The following ASTN2 variants were observed in gnomAD, a reference collection of about 807,000 sequenced individuals.
The protein encoded by ASTN2 is astrotactin-2.
In ASTN2, 54 loss-of-function variants were observed where a neutral mutation model predicts 139.8. The ratio of observed to expected loss-of-function variants is 0.39; its 90% CI spans 0.31 to 0.48. The LOEUF (loss-of-function observed/expected upper bound fraction) is 0.48, where lower values mean the gene tolerates loss of function less well. ASTN2 is among the 20% of genes least tolerant of loss of function. ASTN2 has a pLI of 0.95. For synonymous variants in ASTN2, 756 were observed against 719.5 expected (o/e 1.05, Z -0.81); for missense variants, 1,565 against 1,725.1 (o/e 0.91, Z 1.64).
chr9:116,923,384 G>A (rs913943211), intron 10 of ASTN2, among the ~76,000 whole-genome samples: 3 of 152,158 alleles, frequency 2.0e-5, no homozygotes, highest in African/African-American at 2.4e-5. Flanking sequence ...ACCCTACAAT[G>A]AGATAGTCAC....
At chr9:117,406,530 C>T (rs1410679836) in intron 1 of ASTN2, among the ~76,000 whole-genome samples, 1 of 152,054 alleles carries the variant, frequency 6.6e-6, no homozygotes, top group East Asian at 1.9e-4. Context: ...CCACACCGAC[C>T]TTCATGCTGT....
At chr9:116,607,257 A>G (rs2131781755) in intron 19 of ASTN2, among the ~76,000 whole-genome samples, 1 of 152,326 alleles carries the variant, frequency 6.6e-6, no homozygotes, top group African/African-American at 2.4e-5. Context: ...TGAACTGAAC[A>G]TCCATGTATG....
Position 116,641,005 on chromosome 9 carries a change from C to CT in ASTN2, c.3072+10522dup, listed in dbSNP as rs919926050. 1.5e-4 allele frequency among the ~76,000 whole-genome samples: 23 copies of CT among 152,242 alleles called. No homozygotes were observed. In the South Asian group the frequency reaches 3.5e-3, roughly 23 times the overall value. ...GGAAAGGAAAGAGGAGTTATCAAGG[C>CT]TGACTCCTTGGTTTCAGGATTTTAA... is the stretch of plus-strand genomic sequence containing the variant. On this transcript the variant is annotated intron_variant, in intron 17 of 22. Coordinates refer to ENST00000313400, the MANE Select transcript of ASTN2 (RefSeq NM_001365068.1).
intron 17 of ASTN2, among the ~76,000 whole-genome samples, chr9:116,648,160 C>G (rs894260738): frequency 6.6e-6 from 1 of 152,100 alleles, no homozygotes; most frequent in African/African-American, 2.4e-5. Context: ...TGCCACCACA[C>G]CCAACTAAGT....
intron 6 of ASTN2, among the ~76,000 whole-genome samples, chr9:117,009,794 T>C (rs1837463100): frequency 6.6e-6 from 1 of 152,324 alleles, no homozygotes; most frequent in East Asian, 1.9e-4. Flanking sequence ...TCAGGTCACA[T>C]CTTACTCTGC....
intron 10 of ASTN2, among the ~76,000 whole-genome samples, chr9:116,951,430 A>G (rs1258197377): frequency 6.6e-6 from 1 of 151,130 alleles, no homozygotes; most frequent in Non-Finnish European, 1.5e-5. Flanking sequence ...ATCACCAATC[A>G]TGTGGAACAG....
chr9:116,854,048 T>G (rs975355081), intron 11 of ASTN2, among the ~76,000 whole-genome samples: 1 of 152,230 alleles, frequency 6.6e-6, no homozygotes, highest in African/African-American at 2.4e-5. Flanking sequence ...CAACCTGCTT[T>G]GGCCCAATTT....
intron 2 of ASTN2, among the ~76,000 whole-genome samples, chr9:117,252,765 T>G (rs1233216641): frequency 1.3e-5 from 2 of 152,170 alleles, no homozygotes; most frequent in Non-Finnish European, 2.9e-5. Flanking sequence ...TGTGGGAACA[T>G]GTATTTAAAC....
At chr9:117,349,018 T>A (rs1042236052) in intron 1 of ASTN2, among the ~76,000 whole-genome samples, 19 of 152,258 alleles carry the variant, frequency 1.2e-4, no homozygotes, top group Non-Finnish European at 1.3e-4. Context: ...TTTATGGATT[T>A]ATTGAGTGGC....
At chr9:116,564,341 T>C (rs967064836) in intron 19 of ASTN2, among the ~76,000 whole-genome samples, 1 of 152,138 alleles carries the variant, frequency 6.6e-6, no homozygotes, top group Non-Finnish European at 1.5e-5. Context: ...AATGATGGCA[T>C]GGCAACCCTT....
chr9:116,717,055 A>C (rs918674970), intron 16 of ASTN2, among the ~76,000 whole-genome samples: 2 of 152,202 alleles, frequency 1.3e-5, no homozygotes, highest in African/African-American at 4.8e-5. Context: ...CCTGGTGTGA[A>C]TCCTGACAAG....
At chr9:116,936,286 C>T (rs1219945750) in intron 10 of ASTN2, among the ~76,000 whole-genome samples, 5 of 138,306 alleles carry the variant, frequency 3.6e-5, no homozygotes, top group Non-Finnish European at 7.9e-5. Context: ...CACTACCACC[C>T]ACCATCACCA....
At chr9:116,597,813 C>G (rs191349156) in intron 19 of ASTN2, among the ~76,000 whole-genome samples, 37 of 152,168 alleles carry the variant, frequency 2.4e-4, no homozygotes, top group Non-Finnish European at 4.0e-4. Context: ...TTCTAAGAAG[C>G]CTTTGGAATC....
At chr9:116,605,595 A>G (rs1378590321) in intron 19 of ASTN2, among the ~76,000 whole-genome samples, 1 of 151,994 alleles carries the variant, frequency 6.6e-6, no homozygotes, top group Non-Finnish European at 1.5e-5. Context: ...GGCGGTTTCA[A>G]TGCTTAAGGT....
intron 11 of ASTN2, among the ~76,000 whole-genome samples, chr9:116,851,769 C>T (rs141026196): frequency 2.0e-4 from 30 of 152,282 alleles, no homozygotes; most frequent in African/African-American, 7.2e-4. Context: ...TGAAATTCCT[C>T]CAATGGAGAA....
intron 20 of ASTN2, among the ~76,000 whole-genome samples, chr9:116,455,440 C>A (rs1848305389): frequency 1.3e-5 from 2 of 151,284 alleles, no homozygotes; most frequent in African/African-American, 4.9e-5. Context: ...GTGACATTTT[C>A]TTTACTACAA....
At chr9:116,629,830 T>C (rs1451741591) in intron 17 of ASTN2, among the ~76,000 whole-genome samples, 1 of 152,072 alleles carries the variant, frequency 6.6e-6, no homozygotes, top group Non-Finnish European at 1.5e-5. Flanking sequence ...CACTTACCTC[T>C]GCTAATGAAA....
At chr9:117,309,723 T>C (rs960598186) in intron 1 of ASTN2, among the ~76,000 whole-genome samples, 1 of 152,284 alleles carries the variant, frequency 6.6e-6, no homozygotes, top group African/African-American at 2.4e-5. Context: ...TCTAGGACCC[T>C]TTCCCATAGA....
chr9:116,626,754 T>G lies in ASTN2; in HGVS notation c.3073-6311A>C, dbSNP rs1251268293. ...CCCAACTTTATGGGGAAACATATAT[T>G]GTAAGCATGGTGCGCCCATGCTGAC... On this transcript the variant is annotated intron_variant, in intron 17 of 22. Coordinates refer to ENST00000313400, the MANE Select transcript of ASTN2 (RefSeq NM_001365068.1). 7.2e-5 allele frequency among the ~76,000 whole-genome samples: 11 copies of G among 152,284 alleles called. No homozygotes were observed. In the East Asian group the frequency reaches 2.1e-3, roughly 29 times the overall value.
Sources: gnomAD v4.1 joint callset for allele counts (sites outside exome capture counted in the v4.1 genomes callset) on GRCh38, gnomAD v4.1.1 for gene constraint, MANE v1.5 for transcripts, NCBI Gene and HGNC (gene_info 2026-07-23, HGNC 2026-07-21) for gene names.